The following DIAPH2 variants were observed in gnomAD, a reference collection of about 807,000 sequenced individuals.
DIAPH2 encodes protein diaphanous homolog 2.
DIAPH2 carries 35 observed loss-of-function variants against 92.7 expected under a neutral mutation model. The observed-to-expected ratio is 0.38, with a 90% CI of 0.29 to 0.50. The LOEUF is 0.50. Among genes scored for constraint, DIAPH2 ranks in the 20% least tolerant of loss-of-function variants. The pLI, the probability that DIAPH2 is intolerant of heterozygous loss-of-function variation, is 0.94. For synonymous variants in DIAPH2, 301 were observed against 280.4 expected, an observed-to-expected ratio of 1.07 and a Z score of -0.73; for missense variants, 701 against 819.5, an observed-to-expected ratio of 0.86 and a Z score of 1.77.
chrX:97,598,617 C>CTT (rs1400040995), intron 26 of DIAPH2, among the ~76,000 whole-genome samples: 2 of 111,741 alleles, frequency 1.8e-5, no homozygotes, highest in Non-Finnish European at 3.8e-5. Context: ...TGCTTTTAAA[C>CTT]TTTGTTTTCC....
At position 97,493,557 on chromosome X, in the gene DIAPH2, G is replaced by A. The variant is rs188193020; in HGVS notation, c.3241+63812G>A. 3.4e-3 allele frequency among the ~76,000 whole-genome samples: 380 copies of A among 110,943 alleles called. 2 individuals carry two copies. In the East Asian group the frequency reaches 0.036, roughly 10 times the overall value. ...ATTACAGGCGTGAGCCACCGCACCC[G>A]GCCTGGTTATTTTTTTTTAAATAAT... On this transcript the variant is annotated intron_variant, in intron 26 of 26. Transcript: ENST00000324765.
chrX:96,961,396 T>C (rs2065846684), intron 16 of DIAPH2, among the ~76,000 whole-genome samples: 1 of 108,143 alleles, frequency 9.2e-6, no homozygotes, highest in Non-Finnish European at 1.9e-5. Context: ...TTTATTTAGG[T>C]CTTTCTTTTT....
intron 21 of DIAPH2, among the ~76,000 whole-genome samples, chrX:97,126,215 C>A (rs1399109997): frequency 9.0e-6 from 1 of 111,127 alleles, no homozygotes; most frequent in Non-Finnish European, 1.9e-5. Flanking sequence ...AGATTTTGAC[C>A]CTGTATGAGA....
At chrX:97,190,584 C>T (rs2067644322) in intron 22 of DIAPH2, among the ~76,000 whole-genome samples, 1 of 111,493 alleles carries the variant, frequency 9.0e-6, no homozygotes, top group African/African-American at 3.3e-5. Context: ...CATGGTGGCT[C>T]ACGCCTGTAA....
chrX:97,394,432 T>C (rs1367259647), intron 25 of DIAPH2, among the ~76,000 whole-genome samples: 1 of 111,622 alleles, frequency 9.0e-6, no homozygotes, highest in Non-Finnish European at 1.9e-5. Flanking sequence ...GTTACCTAGT[T>C]TCCTACCTTA....
rs140126158 is a variant in DIAPH2, at chrX:97,565,813, A to G, written c.3242-33440A>G. On this transcript the variant is annotated intron_variant, in intron 26 of 26. Transcript: ENST00000324765. ...AAGTTTTTAGAGATACAACACTTTA[A>G]TCTGTGTATCAGAGTATCAATGTCA... Among the ~76,000 whole-genome samples, 269 of 111,975 alleles carry G rather than the reference A, an allele frequency of 2.4e-3. 1 individual carries two copies. Among genetic ancestry groups the G allele is most frequent in the African/African-American group, 8.1e-3 (251 of 30,874 alleles).
chrX:97,580,986 G>C (rs1488260206), intron 26 of DIAPH2, among the ~76,000 whole-genome samples: 2 of 94,427 alleles, frequency 2.1e-5, no homozygotes, highest in East Asian at 7.3e-4. Context: ...TCTGATGGTA[G>C]TTTGTATTTC....
intron 4 of DIAPH2, among the ~76,000 whole-genome samples, chrX:96,794,496 A>G (rs980002761): frequency 8.6e-5 from 9 of 104,125 alleles, no homozygotes; most frequent in African/African-American, 2.9e-4. Context: ...AATAACACAA[A>G]GCCATTTTAC....
chrX:97,189,437 C>A (rs28433757), intron 22 of DIAPH2, among the ~76,000 whole-genome samples: 3,084 of 89,258 alleles, frequency 0.035, 147 homozygotes, highest in African/African-American at 0.12. Context: ...TCGTCCCCCC[C>A]CCTCCCTCCC....
intron 17 of DIAPH2, among the ~76,000 whole-genome samples, chrX:97,063,099 A>G (rs945675058): frequency 1.8e-5 from 2 of 110,326 alleles, no homozygotes; most frequent in Non-Finnish European, 3.8e-5. Context: ...TCTTCTCAGA[A>G]TTATTCTAAT....
At chrX:96,917,650 A>G (rs778877665) in intron 8 of DIAPH2, among the ~76,000 whole-genome samples, 3 of 111,499 alleles carry the variant, frequency 2.7e-5, no homozygotes, top group Admixed American at 9.5e-5. Flanking sequence ...GTAGTATACT[A>G]TATAGAGATT....
At chrX:97,128,103 A>T (rs1343471091) in intron 21 of DIAPH2, among the ~76,000 whole-genome samples, 3 of 111,779 alleles carry the variant, frequency 2.7e-5, no homozygotes, top group African/African-American at 9.8e-5. Flanking sequence ...AAGAAAGTTT[A>T]TTAAGAAAGT....
chrX:97,249,202 A>G (rs974727520), intron 23 of DIAPH2, among the ~76,000 whole-genome samples: 1 of 110,252 alleles, frequency 9.1e-6, no homozygotes, highest in Non-Finnish European at 1.9e-5. Flanking sequence ...ATTTTCTTCT[A>G]CTGTTGGCTT....
At chrX:96,850,744 T>G (rs747700510) in intron 4 of DIAPH2, among the ~76,000 whole-genome samples, 1 of 111,293 alleles carries the variant, frequency 9.0e-6, no homozygotes, top group South Asian at 3.8e-4. Context: ...CTGAGATCAG[T>G]AAGAACTGTT....
chrX:97,418,762 C>T, intron 25 of DIAPH2, among the ~76,000 whole-genome samples: 1 of 112,099 alleles, frequency 8.9e-6, no homozygotes, highest in Non-Finnish European at 1.9e-5. Context: ...CAAAGCAAAA[C>T]TTGAAAAGCA....
At chrX:97,145,737 A>G (rs939728886) in intron 22 of DIAPH2, among the ~76,000 whole-genome samples, 31 of 110,541 alleles carry the variant, frequency 2.8e-4, no homozygotes, top group African/African-American at 9.8e-4. Context: ...TTCTTTCCCT[A>G]TGAAATTCAG....
At chrX:96,822,094 T>C in intron 4 of DIAPH2, among the ~76,000 whole-genome samples, 1 of 110,745 alleles carries the variant, frequency 9.0e-6, no homozygotes, top group Non-Finnish European at 1.9e-5. Flanking sequence ...TTTTTGAAAG[T>C]TTCTGCACTA....
intron 22 of DIAPH2, among the ~76,000 whole-genome samples, chrX:97,149,266 A>G (rs989229389): frequency 8.9e-6 from 1 of 111,921 alleles, no homozygotes; most frequent in African/African-American, 3.2e-5. Flanking sequence ...TTTGAGTTAT[A>G]ATCTAACTTT....
At chrX:97,126,408 G>T (rs2067094850) in intron 21 of DIAPH2, among the ~76,000 whole-genome samples, 1 of 112,128 alleles carries the variant, frequency 8.9e-6, no homozygotes, top group African/African-American at 3.2e-5. Context: ...GATAATTTTA[G>T]AGAATCTAAG....
Sources: allele counts gnomAD v4.1 joint callset (sites outside exome capture counted in the v4.1 genomes callset), GRCh38; gene constraint gnomAD v4.1.1; transcripts MANE v1.5; gene names NCBI Gene and HGNC (gene_info 2026-07-23, HGNC 2026-07-21).